ZNF385D: variants seen among roughly 807,000 people sequenced by gnomAD.
The protein encoded by ZNF385D is zinc finger protein 659.
Under a neutral mutation model 35.8 loss-of-function variants are expected in ZNF385D, and 15 were observed. That is an observed-to-expected ratio of 0.42 (90% confidence interval 0.28 to 0.64). The LOEUF is 0.64. Ranked by LOEUF, ZNF385D falls within the 30% of genes least tolerant of loss-of-function variation. The probability of loss-of-function intolerance (pLI) is 0.23; values close to 1 mark genes in which losing one functional copy is unlikely to be tolerated. For synonymous variants in ZNF385D, 212 were observed against 186.8 expected (o/e 1.13, Z -1.10); for missense variants, 474 against 494.6 (o/e 0.96, Z 0.39).
intron 2 of ZNF385D, among the ~76,000 whole-genome samples, chr3:21,663,853 ACTG>A (rs1053853711): frequency 2.3e-5 from 3 of 132,546 alleles, no homozygotes; most frequent in African/African-American, 8.2e-5. Context: ...AATAAGACCC[ACTG>A]CTATCTCCTG....
Position 21,431,676 on chromosome 3 carries a change from T to A in ZNF385D, c.673+5294A>T, listed in dbSNP as rs138240712. Among the ~76,000 whole-genome samples the A allele has an allele frequency of 2.7e-4, 41 of 152,236 alleles. No individual in the cohort carries two copies. The East Asian group carries it at 7.9e-3, about 29-fold the overall frequency. On this transcript the variant is annotated intron_variant, in intron 5 of 7. Coordinates refer to ENST00000281523, the MANE Select transcript of ZNF385D (RefSeq NM_024697.3). ...GTTATGAGGCTGTTTTCATCATCATTTGTAGAAAGTTTAAAGAAGTTACAA... is the reference window on the plus strand; with the variant it reads ...GTTATGAGGCTGTTTTCATCATCATATGTAGAAAGTTTAAAGAAGTTACAA...
At chr3:21,521,880 CAT>C in intron 3 of ZNF385D, among the ~76,000 whole-genome samples, 1 of 152,226 alleles carries the variant, frequency 6.6e-6, no homozygotes, top group Non-Finnish European at 1.5e-5. Flanking sequence ...ATAAAGAATA[CAT>C]AGAAAATTAG....
intron 1 of ZNF385D, among the ~76,000 whole-genome samples, chr3:21,746,468 T>C (rs1407289748): frequency 6.6e-6 from 1 of 152,232 alleles, no homozygotes; most frequent in Non-Finnish European, 1.5e-5. Flanking sequence ...AAAGTTATCT[T>C]AGATTTCAGG....
At chr3:21,858,746 A>T (rs1696874417) in intron 3 of ZNF385D, among the ~76,000 whole-genome samples, 1 of 152,122 alleles carries the variant, frequency 6.6e-6, no homozygotes, top group South Asian at 2.1e-4. Flanking sequence ...AGCACGAATG[A>T]TTGGATATCC....
At chr3:22,087,709 G>A (rs12107579) in intron 3 of ZNF385D, among the ~76,000 whole-genome samples, 20,487 of 152,022 alleles carry the variant, frequency 0.13, 1,479 homozygotes, top group African/African-American at 0.18. Context: ...TTTTTATTTT[G>A]GGTTTTGTTA....
At chr3:21,552,207 T>C (rs1194052758) in intron 3 of ZNF385D, among the ~76,000 whole-genome samples, 3 of 152,238 alleles carry the variant, frequency 2.0e-5, no homozygotes, top group Non-Finnish European at 4.4e-5. Flanking sequence ...AAGCCTTTTC[T>C]TGAGTTTAAA....
chr3:21,970,804 C>T (rs13086764), intron 3 of ZNF385D, among the ~76,000 whole-genome samples: 16,355 of 151,718 alleles, frequency 0.11, 1,178 homozygotes, highest in South Asian at 0.26. Flanking sequence ...AGAAAGGATC[C>T]CACAAGGAAG....
intron 4 of ZNF385D, among the ~76,000 whole-genome samples, chr3:21,456,765 A>T (rs1340660097): frequency 4.6e-5 from 7 of 151,998 alleles, no homozygotes; most frequent in South Asian, 2.1e-4. Context: ...AAAAAAGAGA[A>T]ACTTTGAGTT....
chr3:21,811,953 C>T (rs1322972438), intron 3 of ZNF385D, among the ~76,000 whole-genome samples: 14 of 152,106 alleles, frequency 9.2e-5, no homozygotes. Context: ...CATTTTGTGC[C>T]TTCAAAATTC....
At chr3:21,958,205 G>A (rs548942292) in intron 3 of ZNF385D, among the ~76,000 whole-genome samples, 16 of 152,138 alleles carry the variant, frequency 1.1e-4, no homozygotes, top group East Asian at 9.7e-4. Context: ...GAATATCAGC[G>A]TGCACCAATA....
intron 3 of ZNF385D, among the ~76,000 whole-genome samples, chr3:22,121,714 G>T (rs1474881364): frequency 2.0e-5 from 3 of 151,060 alleles, no homozygotes; most frequent in East Asian, 1.9e-4. Flanking sequence ...AGAATTGCTG[G>T]GTAAACACAA....
At chr3:21,898,259 C>T (rs993660896) in intron 3 of ZNF385D, among the ~76,000 whole-genome samples, 6 of 152,264 alleles carry the variant, frequency 3.9e-5, no homozygotes, top group African/African-American at 1.4e-4. Context: ...AATGAAGACA[C>T]CTGGGCACAT....
chr3:21,912,004 ATC>A (rs2125914230), intron 3 of ZNF385D, among the ~76,000 whole-genome samples: 1 of 152,070 alleles, frequency 6.6e-6, no homozygotes, highest in Non-Finnish European at 1.5e-5. Flanking sequence ...AAGGCCCTAA[ATC>A]TGTTAAAATT....
intron 2 of ZNF385D, among the ~76,000 whole-genome samples, chr3:22,269,561 A>C (rs948498642): frequency 6.6e-6 from 1 of 151,956 alleles, no homozygotes; most frequent in African/African-American, 2.4e-5. Flanking sequence ...TGAGTAATGG[A>C]GGAGAGAGCA....
chr3:21,757,134 T>TTTTTTTTTTG (rs1553654008), intron 3 of ZNF385D, among the ~76,000 whole-genome samples: 8 of 128,228 alleles, frequency 6.2e-5, no homozygotes, highest in African/African-American at 2.1e-4. Flanking sequence ...TTTTTTTTTT[T>TTTTTTTTTTG]TTTTTGTTTT....
At chr3:21,874,879 CT>C in intron 3 of ZNF385D, among the ~76,000 whole-genome samples, 1 of 152,090 alleles carries the variant, frequency 6.6e-6, no homozygotes, top group African/African-American at 2.4e-5. Flanking sequence ...TGCATTTCCA[CT>C]TGTTTGTTTG....
chr3:21,918,052 G>A (rs1006204898), intron 3 of ZNF385D, among the ~76,000 whole-genome samples: 1 of 152,194 alleles, frequency 6.6e-6, no homozygotes, highest in Non-Finnish European at 1.5e-5. Context: ...CTTAGAGATG[G>A]AGCAGAGTTT....
intron 2 of ZNF385D, among the ~76,000 whole-genome samples, chr3:22,309,711 G>C (rs1156371209): frequency 3.3e-5 from 5 of 151,850 alleles, no homozygotes; most frequent in African/African-American, 1.2e-4. Flanking sequence ...CCTGTTTTTG[G>C]TAAATCTCAA....
At chr3:21,857,234 T>C (rs1696770525) in intron 3 of ZNF385D, among the ~76,000 whole-genome samples, 1 of 152,108 alleles carries the variant, frequency 6.6e-6, no homozygotes, top group African/African-American at 2.4e-5. Context: ...TTATTTTTTC[T>C]ATATTTTTAT....
Sources: allele counts gnomAD v4.1 joint callset (sites outside exome capture counted in the v4.1 genomes callset), GRCh38; gene constraint gnomAD v4.1.1; transcripts MANE v1.5; gene names NCBI Gene and HGNC (gene_info 2026-07-23, HGNC 2026-07-21).